Variants in PCID2 observed in about 807,000 individuals in gnomAD.
PCID2 encodes the protein PCI domain containing 2, also known as PCI domain-containing protein 2.
In PCID2, 41 loss-of-function variants were observed where a neutral mutation model predicts 61.3. The observed-to-expected ratio is 0.67, with a 90% CI of 0.52 to 0.87. The LOEUF is 0.87. Among genes scored for constraint, PCID2 ranks in the 40% least tolerant of loss-of-function variants. The pLI is 0.00. For synonymous variants in PCID2, 187 were observed against 177.8 expected (o/e 1.05, Z -0.41); for missense variants, 392 against 493.4 (o/e 0.79, Z 1.95).
intron 6 of PCID2, 37 bp downstream of exon 6, chr13:113,195,034 T>C (rs1413389364): frequency 7.1e-7 from 1 of 1,415,264 alleles, no homozygotes; most frequent in African/African-American, 1.5e-5. Flanking sequence ...CACCAAGTTT[T>C]AGTTTTAAAA....
the PCID2 span, among the ~76,000 whole-genome samples, chr13:113,165,536 G>C: frequency 2.0e-5 from 3 of 151,982 alleles, no homozygotes; most frequent in African/African-American, 7.3e-5. Flanking sequence ...TTTGTTTTTG[G>C]TTTGTTTTTT....
chr13:113,183,867 G>A (rs151054698), intron 9 of PCID2: 5 of 985,416 alleles, frequency 5.1e-6, no homozygotes, highest in African/African-American at 3.5e-5. Context: ...CTGTGGTAGC[G>A]ACACACTGCA....
intron 13 of PCID2, 99 bp downstream of exon 13, chr13:113,178,867 G>T: frequency 8.3e-7 from 1 of 1,205,390 alleles, no homozygotes; most frequent in East Asian, 2.5e-5. Context: ...AAAAGCAGAA[G>T]GCCTTTTAAC....
intron 7 of PCID2, 191 bp downstream of exon 7, chr13:113,190,679 CTT>C: frequency 2.3e-6 from 1 of 430,698 alleles, no homozygotes; most frequent in Non-Finnish European, 4.1e-6. Context: ...AATGAAGACT[CTT>C]TTTTCCCTCA....
At chr13:113,192,970 G>A (rs2038734714) in intron 6 of PCID2, among the ~76,000 whole-genome samples, 1 of 152,162 alleles carries the variant, frequency 6.6e-6, no homozygotes, top group African/African-American at 2.4e-5. Context: ...AAGATGCTAT[G>A]AGCCAGGAAG....
chr13:113,196,348 AG>A (rs532747898), intron 4 of PCID2, 126 bp from the exon 5 acceptor site: 1 of 674,928 alleles, frequency 1.5e-6, no homozygotes, highest in South Asian at 2.4e-5. Context: ...TTGCAACAAT[AG>A]TAAGTTCTTG....
Position 113,185,567 on chromosome 13 carries a change from G to T in PCID2, c.468-7C>A. 1.9e-6 allele frequency: 3 copies of T among 1,589,078 alleles called. No homozygotes were observed. Among genetic ancestry groups the T allele is most frequent in the Non-Finnish European group, 2.6e-6 (3 of 1,162,058 alleles). ...GTCCTCTATACCAGCACGGCTATGGGGAAATAATTTTTTTTAAGTTACATA... is the reference window on the plus strand; with the variant it reads ...GTCCTCTATACCAGCACGGCTATGGTGAAATAATTTTTTTTAAGTTACATA... On this transcript the variant is annotated splice_region_variant and splice_polypyrimidine_tract_variant and intron_variant, in intron 7 of 13. Coordinates refer to ENST00000337344, the MANE Select transcript of PCID2 (RefSeq NM_001127202.4).
At chr13:113,183,948 G>A (rs1042507509) in intron 9 of PCID2, 1 of 985,144 alleles carries the variant, frequency 1.0e-6, no homozygotes, top group African/African-American at 1.7e-5. Context: ...TCATCTCCAT[G>A]CGGGATGTGT....
chr13:113,207,977 T>G (rs530187771), intron 1 of PCID2: 9 of 1,523,352 alleles, frequency 5.9e-6, no homozygotes, highest in Non-Finnish European at 8.2e-6. Flanking sequence ...GAATATGCGT[T>G]GAATCTTTAC....
chr13:113,194,504 A>G (rs1195939811), intron 6 of PCID2, among the ~76,000 whole-genome samples: 1 of 152,158 alleles, frequency 6.6e-6, no homozygotes, highest in African/African-American at 2.4e-5. Context: ...AGCAGGCACA[A>G]TAGGGTGAAA....
In PCID2 at chr13:113,184,361, T is replaced by A; in HGVS notation, c.670A>T (p.Ser224Cys). The change falls in exon 9 of 14, where the codon AGC becomes TGC. Residue 224 changes from serine to cysteine, a missense_variant. Physicochemically the swap from Ser to Cys is moderately radical, Grantham distance 112. This residue lies in a region of PCID2 where 226 missense variants were observed against 296.5 expected (regional missense o/e 0.76). Transcript: ENST00000337344. ...AGCAACATACCTTGCTTAAAATCGC[T>A]GTCAAACATAGCCTTGCGTCCAACG... ...YYVGRKAMFDSDFKQAEEYLS... is the reference protein window; with the variant it reads ...YYVGRKAMFDCDFKQAEEYLS... 6.2e-7 allele frequency: 1 copy of A among 1,613,452 alleles called. No homozygotes were observed. The highest frequency in any genetic ancestry group is 2.2e-5 in the East Asian group (1 of 44,866).
intron 7 of PCID2, among the ~76,000 whole-genome samples, chr13:113,189,880 G>A (rs187220342): frequency 3.9e-5 from 6 of 152,158 alleles, no homozygotes; most frequent in East Asian, 1.9e-4. Context: ...AAAAGTAGCC[G>A]GACGTGGTGG....
the PCID2 span, among the ~76,000 whole-genome samples, chr13:113,165,704 T>C: frequency 6.6e-6 from 1 of 152,130 alleles, no homozygotes; most frequent in South Asian, 2.1e-4. Context: ...CTGATTTTTA[T>C]ATTTTTAGTA....
rs1195419350 is a variant in PCID2, at chr13:113,178,994, T to C, written c.1082A>G (p.Gln361Arg). ...QVEDVDIDEV[Q>R]CILANLIYMG... ...GTATATCAAGTTAGCCAGAATACAC[T>C]GAACTTCGTCAATGTCCACGTCCTC... Residue 361 changes from glutamine to arginine, a missense_variant, in exon 13 of 14, where the codon CAG (glutamine) becomes CGG (arginine). Around this residue, in one of 3 missense-constraint regions of PCID2, gnomAD observed 226 missense variants for 296.5 expected, o/e 0.76. Coordinates refer to ENST00000337344, the MANE Select transcript of PCID2 (RefSeq NM_001127202.4). The C allele has an allele frequency of 3.1e-6, 5 of 1,613,828 alleles. No individual in the cohort carries two copies. In the Admixed American group the frequency reaches 5.0e-5, roughly 16 times the overall value.
rs929964431 is a variant in PCID2, at chr13:113,204,526, T to C, written c.37-4010A>G. 5.3e-5 allele frequency among the ~76,000 whole-genome samples: 8 copies of C among 152,230 alleles called. No homozygotes were observed. The South Asian group carries it at 6.2e-4, about 12-fold the overall frequency. ...CCTCCCAGGGTGGTCCCTGCACATA[T>C]GCAGGGTGATGTCGCCACATCCTGG... On this transcript the variant is annotated intron_variant, in intron 1 of 13. Coordinates refer to ENST00000337344, the MANE Select transcript of PCID2 (RefSeq NM_001127202.4).
At chr13:113,172,722 T>C (rs1233463646), downstream of PCID2, among the ~76,000 whole-genome samples, 1 of 152,168 alleles carries the variant, frequency 6.6e-6, no homozygotes, top group East Asian at 1.9e-4. Context: ...CACCCGCCCT[T>C]CTCTGGGAGG....
chr13:113,185,791 C>A, intron 7 of PCID2: 1 of 415,366 alleles, frequency 2.4e-6, no homozygotes, highest in South Asian at 4.9e-5. Context: ...AGGAAAATCC[C>A]AATTAACTAC....
Position 113,197,204 on chromosome 13 carries a change from T to G in PCID2, c.240A>C (p.Ala80=), listed in dbSNP as rs762817199. The stretch of plus-strand genomic sequence containing the variant: ...GGACTATCACGGTCTGGCACTTGTA[T>G]GCCTCTATGAAGTCATGATTCCCCA... ...YAVGNHDFIE[A]YKCQTVIVQS... The change falls in exon 4 of 14, where the codon GCA becomes GCC. Residue 80 remains alanine, a synonymous_variant. Transcript: ENST00000337344. The G allele has an allele frequency of 2.2e-5, 36 of 1,614,032 alleles. No homozygotes were observed. The highest frequency in any genetic ancestry group is 1.6e-4 in the Middle Eastern group (1 of 6,084).
the PCID2 span, chr13:113,171,726 G>A: frequency 1.4e-3 from 2,305 of 1,612,572 alleles, 34 homozygotes; most frequent in Non-Finnish European, 4.9e-4. The surrounding 1 kb of genome is among the most constrained non-coding windows in gnomAD (Gnocchi z 5.1). Flanking sequence ...CAGTGCCCAG[G>A]TGCGGGGCTC....
Sources: allele counts gnomAD v4.1 joint callset (sites outside exome capture counted in the v4.1 genomes callset), GRCh38; gene constraint gnomAD v4.1.1; regional missense constraint gnomAD v4.1.1; non-coding constraint Gnocchi (gnomAD v3.1); transcripts MANE v1.5; gene names NCBI Gene and HGNC (gene_info 2026-07-23, HGNC 2026-07-21).